The following SLC9A2 variants were observed in gnomAD, a reference collection of about 807,000 sequenced individuals.
SLC9A2 encodes sodium/hydrogen exchanger 2.
A neutral mutation model predicts 71.7 loss-of-function variants in SLC9A2; 42 were observed. That is an observed-to-expected ratio of 0.59 (90% CI 0.46 to 0.76). The LOEUF is 0.76. SLC9A2 is among the 30% of genes least tolerant of loss of function. The pLI is 0.00. For synonymous variants in SLC9A2, 396 were observed against 392.5 expected (o/e 1.01, Z -0.10); for missense variants, 829 against 1,017.4 (o/e 0.81, Z 2.52).
intron 10 of SLC9A2, among the ~76,000 whole-genome samples, chr2:102,705,228 T>C (rs1677952039): frequency 1.3e-5 from 2 of 151,866 alleles, no homozygotes; most frequent in Admixed American, 1.3e-4. Context: ...AATAATAATA[T>C]TGTGATATAT....
Position 102,632,679 on chromosome 2 carries a change from C to A in SLC9A2, c.289+12542C>A, listed in dbSNP as rs182897998. On this transcript the variant is annotated intron_variant, in intron 1 of 11. Transcript: ENST00000233969. ...AGATCTCTGTTATGACTGTGACACACATACTTTCCAGGTGAGTTTCATGTT... is the reference window on the plus strand; with the variant it reads ...AGATCTCTGTTATGACTGTGACACAAATACTTTCCAGGTGAGTTTCATGTT... Among the ~76,000 whole-genome samples, 827 of 152,200 alleles carry A rather than the reference C, an allele frequency of 5.4e-3. 6 individuals are homozygous for A. Among genetic ancestry groups the A allele is most frequent in the African/African-American group, 0.019 (773 of 41,516 alleles).
chr2:102,653,716 T>C (rs2104516869), intron 1 of SLC9A2, among the ~76,000 whole-genome samples: 1 of 152,338 alleles, frequency 6.6e-6, no homozygotes, highest in African/African-American at 2.4e-5. Flanking sequence ...CTGAGGCTGC[T>C]GGGTCAGTGA....
chr2:102,703,019 G>A lies in SLC9A2; in HGVS notation c.1845+517G>A, dbSNP rs139114970. Reference sequence around the variant, plus strand: ...GCATTAACTCATTTAATCCTCCAGTGAGTGGTAGGTGTTACTGTTGTCGCC... The same window carrying A: ...GCATTAACTCATTTAATCCTCCAGTAAGTGGTAGGTGTTACTGTTGTCGCC... On this transcript the variant is annotated intron_variant, in intron 9 of 11. Coordinates refer to ENST00000233969, the MANE Select transcript of SLC9A2 (RefSeq NM_003048.6). Among the ~76,000 whole-genome samples, 488 of 152,240 alleles carry A rather than the reference G, an allele frequency of 3.2e-3. 6 individuals carry two copies. The highest frequency in any genetic ancestry group is 0.011 in the African/African-American group (463 of 41,540).
chr2:102,707,066 G>A (rs55675290), intron 11 of SLC9A2, among the ~76,000 whole-genome samples: 5,325 of 152,134 alleles, frequency 0.035, 287 homozygotes, highest in African/African-American at 0.12. Flanking sequence ...ACACAAAGGC[G>A]GGAAAAATAA....
rs977730403 is a variant in SLC9A2 at position 102,662,962 on chromosome 2, A to C, written c.754-2138A>C. ...GAGTGGCCCTGGAGAGAGGCTGTCC[A>C]TGCAGAAGCAGATGGCTGGGAAACC... On this transcript the variant is annotated intron_variant, in intron 2 of 11. Coordinates refer to ENST00000233969, the MANE Select transcript of SLC9A2 (RefSeq NM_003048.6). 6.6e-5 allele frequency among the ~76,000 whole-genome samples: 10 copies of C among 152,136 alleles called. 1 individual carries two copies. Among genetic ancestry groups the C allele is most frequent in the Admixed American group, 3.9e-4 (6 of 15,280 alleles).
Position 102,621,352 on chromosome 2 carries a change from G to GAAAA in SLC9A2, c.289+1233_289+1236dup, listed in dbSNP as rs768118079. 5.8e-3 allele frequency among the ~76,000 whole-genome samples: 632 copies of GAAAA among 109,368 alleles called. 7 individuals are homozygous for GAAAA. The highest frequency in any genetic ancestry group is 0.017 in the Middle Eastern group (3 of 180). The allele number at this position is 109,368 out of a possible 152,430, so 71.7% of individuals were successfully genotyped here. A position where few individuals can be genotyped will look rare whatever the true frequency, so the allele number is the denominator to read the frequency against. ...CCACAGAGAGATACCTTGTCTCAGG[G>GAAAA]AAAAAAAAAAAAAAAAAAAAATTAC... On this transcript the variant is annotated intron_variant, in intron 1 of 11. Coordinates refer to ENST00000233969, the MANE Select transcript of SLC9A2 (RefSeq NM_003048.6).
rs764582372 is a variant in SLC9A2 at position 102,708,466 on chromosome 2, C to T, written c.2416C>T (p.Arg806Ter). ...RASEPGSRKARFGSEKP is the reference protein window; with the variant it reads ...RASEPGSRKA ...ATCGGAACCTGGAAGCCGGAAAGCC[C>T]GATTTGGGAGTGAGAAGCCTTAAGA... The change falls in exon 12 of 12, where the codon CGA (arginine) becomes TGA (stop). Residue 806 changes from arginine (R) to a stop codon, truncating the protein, a stop_gained. Transcript: ENST00000233969. LOFTEE classifies it high-confidence loss of function. The T allele has an allele frequency of 1.2e-6, 2 of 1,614,044 alleles. No individual in the cohort carries two copies. Among genetic ancestry groups the T allele is most frequent in the South Asian group, 1.1e-5 (1 of 91,070 alleles).
intron 3 of SLC9A2, among the ~76,000 whole-genome samples, chr2:102,670,298 G>A (rs933341681): frequency 2.0e-5 from 3 of 152,002 alleles, no homozygotes; most frequent in African/African-American, 4.8e-5. Context: ...TTACAGGCAG[G>A]AGCCACCACG....
At chr2:102,640,162 C>G (rs558254280) in intron 1 of SLC9A2, among the ~76,000 whole-genome samples, 1 of 152,232 alleles carries the variant, frequency 6.6e-6, no homozygotes, top group Non-Finnish European at 1.5e-5. Context: ...CGAGCCAGCT[C>G]AGAGGGCAGG....
At chr2:102,670,041 A>ATT (rs56067364) in intron 3 of SLC9A2, among the ~76,000 whole-genome samples, 50,352 of 149,806 alleles carry the variant, frequency 0.34, 9,000 homozygotes, top group East Asian at 0.52. Flanking sequence ...TTTATTTTTT[A>ATT]TTTTTTTTGA....
chr2:102,660,181 G>A (rs866601723), intron 2 of SLC9A2, among the ~76,000 whole-genome samples: 1 of 152,214 alleles, frequency 6.6e-6, no homozygotes, highest in Middle Eastern at 3.2e-3. Flanking sequence ...CACAACTGTG[G>A]TTTTATGGAA....
chr2:102,695,825 A>ATAATATATATATAT (rs1441215105), intron 7 of SLC9A2, among the ~76,000 whole-genome samples: 1 of 129,082 alleles, frequency 7.7e-6, no homozygotes, highest in Non-Finnish European at 1.6e-5. Context: ...ATATATATAT[A>ATAATATATATATAT]AAAAGCTAAA....
chr2:102,668,973 C>T (rs1677194588), intron 3 of SLC9A2, among the ~76,000 whole-genome samples: 1 of 152,162 alleles, frequency 6.6e-6, no homozygotes, highest in South Asian at 2.1e-4. Flanking sequence ...AAACAATCTT[C>T]TGAGTAACAG....
At position 102,684,224 on chromosome 2, in the gene SLC9A2, G is replaced by C. The variant is rs763299512; in HGVS notation, c.1313G>C (p.Arg438Pro). The C allele has an allele frequency of 1.2e-6, 2 of 1,614,048 alleles. No homozygotes were observed. The highest frequency in any genetic ancestry group is 8.5e-7 in the Non-Finnish European group (1 of 1,179,972). Residue 438 changes from arginine (R) to proline (P), a missense_variant, in exon 5 of 12, where the codon CGA (arginine) becomes CCA (proline). By Grantham distance (103) the Arg-to-Pro change is moderately radical (BLOSUM62 -2). Coordinates refer to ENST00000233969, the MANE Select transcript of SLC9A2 (RefSeq NM_003048.6). The stretch of plus-strand genomic sequence containing the variant: ...TTCATCATTGCCTATGGAGGACTTC[G>C]AGGTGCCATCTGTTTTGCGTTAGTG... ...DQFIIAYGGLRGAICFALVFL... is the reference protein window; with the variant it reads ...DQFIIAYGGLPGAICFALVFL...
At chr2:102,636,699 G>C (rs373493281) in intron 1 of SLC9A2, among the ~76,000 whole-genome samples, 2 of 152,180 alleles carry the variant, frequency 1.3e-5, no homozygotes, top group South Asian at 4.1e-4. Context: ...CATCTAGCCT[G>C]GGGCAGTAGA....
chr2:102,696,252 T>C (rs977296696), intron 7 of SLC9A2, among the ~76,000 whole-genome samples: 2 of 152,154 alleles, frequency 1.3e-5, no homozygotes, highest in African/African-American at 4.8e-5. Context: ...TTGTTAAACA[T>C]TTATTAGCAT....
At chr2:102,695,180 A>C in intron 7 of SLC9A2, 67 bp downstream of exon 7, 1 of 1,075,178 alleles carries the variant, frequency 9.3e-7, no homozygotes, top group Non-Finnish European at 1.4e-6. Flanking sequence ...GGACTTACTG[A>C]TTTGTATTAT....
At chr2:102,695,790 T>TA (rs1677749294) in intron 7 of SLC9A2, among the ~76,000 whole-genome samples, 1 of 30,100 alleles carries the variant, frequency 3.3e-5, no homozygotes, top group African/African-American at 1.2e-4. Context: ...ATATATATAT[T>TA]ATATATATAT....
chr2:102,680,021 T>C (rs978288211), intron 3 of SLC9A2, among the ~76,000 whole-genome samples: 8 of 152,230 alleles, frequency 5.3e-5, no homozygotes, highest in Admixed American at 3.3e-4. Flanking sequence ...TTGGTGTTCA[T>C]GTCTTTCCAT....
Sources: gnomAD v4.1 joint callset for allele counts (sites outside exome capture counted in the v4.1 genomes callset) on GRCh38, gnomAD v4.1.1 for gene constraint, MANE v1.5 for transcripts, NCBI Gene and HGNC (gene_info 2026-07-23, HGNC 2026-07-21) for gene names.